The following EGFR variants were observed in gnomAD, a reference collection of about 807,000 sequenced individuals.
EGFR encodes epidermal growth factor receptor.
Under a neutral mutation model 143.0 loss-of-function variants are expected in EGFR, and 58 were observed. The observed-to-expected ratio is 0.41, with a 90% CI of 0.33 to 0.50. The LOEUF (loss-of-function observed/expected upper bound fraction) is 0.50. Among genes scored for constraint, EGFR ranks in the 20% least tolerant of loss-of-function variants. EGFR has a pLI of 0.39. For synonymous variants in EGFR, 613 were observed against 594.4 expected (o/e 1.03, Z -0.45); for missense variants, 1,307 against 1,579.0 (o/e 0.83, Z 2.92).
chr7:55,071,100 G>A (rs1789796185), intron 1 of EGFR, among the ~76,000 whole-genome samples: 1 of 152,162 alleles, frequency 6.6e-6, no homozygotes, highest in Non-Finnish European at 1.5e-5. Flanking sequence ...GGTGTCTCAG[G>A]ACCTCCCTAA....
chr7:55,181,815 C>G, intron 20 of EGFR: 1 of 379,790 alleles, frequency 2.6e-6, no homozygotes, highest in Non-Finnish European at 5.0e-6. Context: ...ATATTGCTTC[C>G]CCCATTCAGG....
intron 1 of EGFR, among the ~76,000 whole-genome samples, chr7:55,092,197 A>G (rs1791169674): frequency 2.0e-5 from 3 of 152,108 alleles, no homozygotes; most frequent in Admixed American, 2.0e-4. Context: ...GCGGCACAAT[A>G]TTGGCAAGTG....
intron 14 of EGFR, 149 bp from the exon 15 acceptor site, chr7:55,165,131 C>G: frequency 8.7e-7 from 1 of 1,146,786 alleles, no homozygotes; most frequent in Non-Finnish European, 1.3e-6. Context: ...GGTGCAATCA[C>G]AGAATAACTG....
At position 55,034,616 on chromosome 7, in the gene EGFR, G is replaced by A. The variant is rs76142648; in HGVS notation, c.88+15251G>A. On this transcript the variant is annotated intron_variant, in intron 1 of 27. Transcript: ENST00000275493. Reference sequence around the variant, plus strand: ...ACCTAGTGTGTAATAAGGCCTGCGCGTGTTATATGGAACTGTAAAAAATGC... The same window carrying A: ...ACCTAGTGTGTAATAAGGCCTGCGCATGTTATATGGAACTGTAAAAAATGC... 5.1e-3 allele frequency among the ~76,000 whole-genome samples: 775 copies of A among 152,258 alleles called. 4 individuals are homozygous for A. Among genetic ancestry groups the A allele is most frequent in the South Asian group, 0.031 (151 of 4,816 alleles).
chr7:55,111,372 T>G (rs535972774), intron 1 of EGFR, among the ~76,000 whole-genome samples: 23 of 151,946 alleles, frequency 1.5e-4, no homozygotes, highest in Admixed American at 8.5e-4. Flanking sequence ...ACGTTTTGTT[T>G]TTTTTTTTTT....
intron 1 of EGFR, among the ~76,000 whole-genome samples, chr7:55,131,516 C>T (rs2128920281): frequency 6.6e-6 from 1 of 152,302 alleles, no homozygotes; most frequent in African/African-American, 2.4e-5. Flanking sequence ...ACTCAGGGAA[C>T]ACCTCCAGCC....
rs760711480 is a variant in EGFR at position 55,161,507 on chromosome 7, G to A, written c.1507G>A (p.Gly503Ser). The A allele has an allele frequency of 4.3e-6, 7 of 1,614,048 alleles. No individual in the cohort carries two copies. In the Admixed American group the frequency reaches 6.7e-5, roughly 15 times the overall value. The change falls in exon 13 of 28, where the codon GGC (glycine) becomes AGC (serine). Residue 503 changes from glycine to serine, a missense_variant. By Grantham distance (56) the Gly-to-Ser change is moderately conservative. This residue lies in a region of EGFR where 250 missense variants were observed against 295.1 expected (regional missense o/e 0.85). Coordinates refer to ENST00000275493, the MANE Select transcript of EGFR (RefSeq NM_005228.5). Reference sequence around the variant, plus strand: ...CCACTCTGTCTCCGCAGAGGCCACAGGCCAGGTCTGCCATGCCTTGTGCTC... The same window carrying A: ...CCACTCTGTCTCCGCAGAGGCCACAAGCCAGGTCTGCCATGCCTTGTGCTC... ...NRGENSCKATGQVCHALCSPE... is the reference protein window; with the variant it reads ...NRGENSCKATSQVCHALCSPE...
chr7:55,060,520 T>C (rs1789105813), intron 1 of EGFR, among the ~76,000 whole-genome samples: 1 of 152,208 alleles, frequency 6.6e-6, no homozygotes. Context: ...TAGCATCTTT[T>C]CCTTCCATCT....
At chr7:55,111,368 TG>T (rs1792477535) in intron 1 of EGFR, among the ~76,000 whole-genome samples, 2 of 139,838 alleles carry the variant, frequency 1.4e-5, no homozygotes, top group African/African-American at 5.8e-5. Context: ...CTAGACGTTT[TG>T]TTTTTTTTTT....
At chr7:55,104,223 G>A (rs1791991320) in intron 1 of EGFR, among the ~76,000 whole-genome samples, 1 of 152,192 alleles carries the variant, frequency 6.6e-6, no homozygotes, top group African/African-American at 2.4e-5. Context: ...GTGGCAAAAG[G>A]CATTGCAGGC....
In EGFR at chr7:55,037,143, G is replaced by A. The variant is rs144055870; in HGVS notation, c.88+17778G>A. ...CATAAATGATGTCTGCTGTACCAGC[G>A]GGGACAGTTTATTTTAATAGATTGG... On this transcript the variant is annotated intron_variant, in intron 1 of 27. Transcript: ENST00000275493. 5.9e-5 allele frequency among the ~76,000 whole-genome samples: 9 copies of A among 152,276 alleles called. No homozygotes were observed. In the East Asian group the frequency reaches 1.4e-3, roughly 23 times the overall value.
At chr7:55,172,312 C>T (rs1395908150) in intron 16 of EGFR, among the ~76,000 whole-genome samples, 1 of 152,202 alleles carries the variant, frequency 6.6e-6, no homozygotes, top group African/African-American at 2.4e-5. Flanking sequence ...GCACATGTGG[C>T]TTCTGGTTTC....
intron 1 of EGFR, among the ~76,000 whole-genome samples, chr7:55,033,701 C>A (rs60770898): frequency 6.6e-6 from 1 of 152,124 alleles, no homozygotes; most frequent in Non-Finnish European, 1.5e-5. Context: ...CCTGGGAAGT[C>A]GCCAAGAGCC....
intron 1 of EGFR, among the ~76,000 whole-genome samples, chr7:55,073,023 C>G (rs548798796): frequency 1.3e-5 from 2 of 152,226 alleles, no homozygotes; most frequent in Non-Finnish European, 2.9e-5. Context: ...TTTGCTATAT[C>G]TGACTGCTCT....
At chr7:55,073,987 C>T (rs1020555605) in intron 1 of EGFR, among the ~76,000 whole-genome samples, 3 of 152,236 alleles carry the variant, frequency 2.0e-5, no homozygotes, top group Non-Finnish European at 4.4e-5. Context: ...TAGATTGCAT[C>T]TCAGACACAC....
chr7:55,190,618 G>C lies in EGFR; in HGVS notation c.2470-1101G>C, dbSNP rs188724624. 4.5e-3 allele frequency among the ~76,000 whole-genome samples: 689 copies of C among 152,288 alleles called. 5 individuals carry two copies. The highest frequency in any genetic ancestry group is 0.016 in the African/African-American group (650 of 41,556). ...GATCCCTCCATACAGGAGCGGCAGA[G>C]TGGAGCAGGCTAGAGATGCCTGTTT... On this transcript the variant is annotated intron_variant, in intron 20 of 27. Coordinates refer to ENST00000275493, the MANE Select transcript of EGFR (RefSeq NM_005228.5).
chr7:55,127,883 C>A (rs1384971331), intron 1 of EGFR, among the ~76,000 whole-genome samples: 2 of 152,226 alleles, frequency 1.3e-5, no homozygotes, highest in Non-Finnish European at 2.9e-5. Flanking sequence ...GCCCCGCTCT[C>A]AGCCCCGGGA....
intron 13 of EGFR, among the ~76,000 whole-genome samples, chr7:55,162,082 C>T (rs1289633315): frequency 6.6e-6 from 1 of 152,212 alleles, no homozygotes; most frequent in Non-Finnish European, 1.5e-5. Flanking sequence ...ATGTGTTGAA[C>T]ATCAAACAGT....
intron 13 of EGFR, among the ~76,000 whole-genome samples, chr7:55,162,407 A>G (rs1337922877): frequency 1.3e-5 from 2 of 152,270 alleles, no homozygotes; most frequent in Non-Finnish European, 2.9e-5. Flanking sequence ...AGAAATATTT[A>G]GGAGCAGGAT....
Sources: gnomAD v4.1 joint callset for allele counts (sites outside exome capture counted in the v4.1 genomes callset) on GRCh38, gnomAD v4.1.1 for gene constraint, gnomAD v4.1.1 regional missense constraint, MANE v1.5 for transcripts, NCBI Gene and HGNC (gene_info 2026-07-23, HGNC 2026-07-21) for gene names.